The following RNF216 variants were observed in gnomAD, a reference collection of about 807,000 sequenced individuals.
RNF216 encodes the protein ring finger protein 216.
RNF216 carries 72 observed loss-of-function variants against 110.8 expected under a neutral mutation model. The ratio of observed to expected loss-of-function variants is 0.65; its 90% confidence interval spans 0.54 to 0.79. RNF216 has a LOEUF of 0.79. RNF216 is among the 30% of genes least tolerant of loss of function. The pLI, the probability that RNF216 is intolerant of heterozygous loss-of-function variation, is 0.00. For missense variants in RNF216, 1,342 were observed against 1,141.2 expected, an observed-to-expected ratio of 1.18 and a Z score of -2.54; for synonymous variants, 495 against 407.5, an observed-to-expected ratio of 1.21 and a Z score of -2.59.
intron 3 of RNF216, among the ~76,000 whole-genome samples, chr7:5,745,236 A>T (rs1235072258): frequency 6.6e-6 from 1 of 152,204 alleles, no homozygotes; most frequent in Non-Finnish European, 1.5e-5. Flanking sequence ...GAAAAACCAC[A>T]TGACAATCTC....
At chr7:5,637,848 G>T (rs563857948) in intron 15 of RNF216, among the ~76,000 whole-genome samples, 2 of 152,162 alleles carry the variant, frequency 1.3e-5, no homozygotes, top group Admixed American at 6.5e-5. Context: ...GCCAAATTAC[G>T]CATTTCTTTT....
intron 13 of RNF216, among the ~76,000 whole-genome samples, chr7:5,663,949 G>A (rs1789334261): frequency 6.6e-6 from 1 of 152,058 alleles, no homozygotes; most frequent in Admixed American, 6.6e-5. Context: ...AAGTTCACTT[G>A]AGTGCCTATT....
intron 5 of RNF216, among the ~76,000 whole-genome samples, chr7:5,736,461 G>A (rs1297178973): frequency 6.6e-6 from 1 of 152,136 alleles, no homozygotes; most frequent in African/African-American, 2.4e-5. Flanking sequence ...GCGCGATCTC[G>A]GCTCGCTACA....
intron 14 of RNF216, among the ~76,000 whole-genome samples, chr7:5,641,946 T>A (rs1165666617): frequency 6.9e-6 from 1 of 145,556 alleles, no homozygotes; most frequent in Non-Finnish European, 1.5e-5. Context: ...GGCAGGAGAA[T>A]CGCTTAAACC....
chr7:5,690,759 A>G (rs1791283345), intron 13 of RNF216, among the ~76,000 whole-genome samples: 1 of 152,168 alleles, frequency 6.6e-6, no homozygotes, highest in Non-Finnish European at 1.5e-5. Flanking sequence ...TGCTCCTGCA[A>G]TACAGCCCAC....
At chr7:5,777,068 G>C (rs188705456) in intron 1 of RNF216, among the ~76,000 whole-genome samples, 46 of 152,312 alleles carry the variant, frequency 3.0e-4, no homozygotes, top group African/African-American at 8.7e-4. Flanking sequence ...TGAATACCCT[G>C]CTGAGAGATC....
At chr7:5,637,408 T>G (rs1787460602) in intron 15 of RNF216, among the ~76,000 whole-genome samples, 1 of 152,162 alleles carries the variant, frequency 6.6e-6, no homozygotes, top group Non-Finnish European at 1.5e-5. Context: ...ATCTGAGTGA[T>G]TTTTAGGGGT....
chr7:5,708,585 C>G (rs1792452031), intron 13 of RNF216, among the ~76,000 whole-genome samples: 1 of 152,212 alleles, frequency 6.6e-6, no homozygotes, highest in Admixed American at 6.5e-5. Context: ...ATACTTTATT[C>G]TAAAATAGGC....
chr7:5,622,966 G>C lies in RNF216; in HGVS notation c.2666C>G (p.Pro889Arg), dbSNP rs1786473136. Reference protein sequence around the residue: ...NMGPIPAPYVPPLPNVRVNYD... With the variant: ...NMGPIPAPYVRPLPNVRVNYD... ...GTTGACCCGCACGTTGGGCAGAGGGGGCACGTACGGGGCTGGGATAGGCCC... is the reference window on the plus strand; with the variant it reads ...GTTGACCCGCACGTTGGGCAGAGGGCGCACGTACGGGGCTGGGATAGGCCC... The change falls in exon 17 of 17, where the codon CCC becomes CGC. Residue 889 changes from proline to arginine, a missense_variant. Pro to Arg is a moderately radical substitution (Grantham distance 103). Coordinates refer to ENST00000389902, the MANE Select transcript of RNF216 (RefSeq NM_207111.4). 2 of 1,613,952 alleles carry C rather than the reference G, an allele frequency of 1.2e-6. No individual in the cohort carries two copies. Among genetic ancestry groups the C allele is most frequent in the East Asian group, 2.2e-5 (1 of 44,888 alleles).
intron 2 of RNF216, among the ~76,000 whole-genome samples, chr7:5,759,792 C>T (rs1373854069): frequency 6.6e-6 from 1 of 151,954 alleles, no homozygotes; most frequent in African/African-American, 2.4e-5. Flanking sequence ...CCACCACGCC[C>T]AGCTAATTTT....
chr7:5,670,400 C>T (rs1272965833), intron 13 of RNF216, among the ~76,000 whole-genome samples: 2 of 152,028 alleles, frequency 1.3e-5, no homozygotes, highest in Non-Finnish European at 2.9e-5. Flanking sequence ...AGAGGGGCTG[C>T]CAAAAGGAGA....
chr7:5,741,802 T>C lies in RNF216; in HGVS notation c.215A>G (p.Gln72Arg). The change falls in exon 4 of 17, where the codon CAG becomes CGG. Residue 72 changes from glutamine to arginine, a missense_variant. Transcript: ENST00000389902. ...DVILTETNKP[Q>R]RSRPNLIKPA... ...TTTGATGAGATTGGGTCGTGATCTC[T>C]GAGGTTTATTTGTCTAAGAAAAAAT... 1 of 1,602,012 alleles carries C rather than the reference T, an allele frequency of 6.2e-7. No individual in the cohort carries two copies. Among genetic ancestry groups the C allele is most frequent in the Non-Finnish European group, 8.5e-7 (1 of 1,176,184 alleles).
intron 1 of RNF216, among the ~76,000 whole-genome samples, chr7:5,771,517 C>T (rs1025027394): frequency 6.6e-6 from 1 of 152,314 alleles, no homozygotes; most frequent in African/African-American, 2.4e-5. Context: ...AGAATCCCGG[C>T]GGGGTGCAGT....
chr7:5,665,267 T>A (rs775521733), intron 13 of RNF216, among the ~76,000 whole-genome samples: 1 of 152,120 alleles, frequency 6.6e-6, no homozygotes, highest in South Asian at 2.1e-4. Flanking sequence ...AATGCAGAAA[T>A]TCAAATCTGG....
chr7:5,665,893 C>T (rs1034221622), intron 13 of RNF216, among the ~76,000 whole-genome samples: 24 of 152,064 alleles, frequency 1.6e-4, no homozygotes, highest in Non-Finnish European at 7.4e-5. Context: ...AGGCCGGGCG[C>T]GGTAGCTCAC....
At chr7:5,631,303 G>T (rs920689451) in intron 15 of RNF216, among the ~76,000 whole-genome samples, 21 of 152,304 alleles carry the variant, frequency 1.4e-4, no homozygotes, top group African/African-American at 5.1e-4. Flanking sequence ...CCTGGCACTT[G>T]TCCTTTGGGA....
chr7:5,629,194 C>CAAA (rs112745079), intron 15 of RNF216, among the ~76,000 whole-genome samples: 1 of 82,924 alleles, frequency 1.2e-5, no homozygotes. Context: ...GACTCTGTCT[C>CAAA]AAAAAAAAAA....
intron 14 of RNF216, among the ~76,000 whole-genome samples, chr7:5,647,191 A>G (rs558079013): frequency 6.6e-6 from 1 of 151,296 alleles, no homozygotes; most frequent in Non-Finnish European, 1.5e-5. Context: ...GGGAGATAGG[A>G]GTTTTTGGAA....
At chr7:5,772,904 G>A (rs530041010) in intron 1 of RNF216, among the ~76,000 whole-genome samples, 7 of 150,008 alleles carry the variant, frequency 4.7e-5, no homozygotes, top group Non-Finnish European at 8.9e-5. Flanking sequence ...TCACCCTCCC[G>A]AGTAGCTGGG....
Sources: gnomAD v4.1 joint callset for allele counts (sites outside exome capture counted in the v4.1 genomes callset) on GRCh38, gnomAD v4.1.1 for gene constraint, MANE v1.5 for transcripts, NCBI Gene and HGNC (gene_info 2026-07-23, HGNC 2026-07-21) for gene names.